ADAMTSL3: variants seen among roughly 807,000 people sequenced by gnomAD.
ADAMTSL3 encodes the protein ADAMTS-like protein 3.
A neutral mutation model predicts 201.7 loss-of-function variants in ADAMTSL3; 128 were observed. That is an observed-to-expected ratio of 0.63 (90% confidence interval 0.55 to 0.73). The LOEUF (loss-of-function observed/expected upper bound fraction) is 0.73. Ranked by LOEUF, ADAMTSL3 falls within the 30% of genes least tolerant of loss-of-function variation. ADAMTSL3 has a pLI of 0.00. For synonymous variants in ADAMTSL3, 738 were observed against 748.4 expected, an observed-to-expected ratio of 0.99 and a Z score of 0.23; for missense variants, 1,990 against 2,119.6, an observed-to-expected ratio of 0.94 and a Z score of 1.20.
In ADAMTSL3 at chr15:83,654,947, C is replaced by T. The variant is rs1394842985; in HGVS notation, c.-34+671C>T. ...TGGAGAGAAGCCACCGACCCGCCCC[C>T]GGACACCAGCTCCGCCAAGGCGCCC... On this transcript the variant is annotated intron_variant, in intron 1 of 29. Transcript: ENST00000286744. The surrounding 1 kb of genome is among the most constrained non-coding windows in gnomAD (Gnocchi z 5.3). Among the ~76,000 whole-genome samples the T allele has an allele frequency of 1.3e-5, 2 of 152,230 alleles. No individual in the cohort carries two copies. The highest frequency in any genetic ancestry group is 1.9e-4 in the East Asian group (1 of 5,190).
In ADAMTSL3 at chr15:83,725,619, A is replaced by C. The variant is rs547636884; in HGVS notation, c.189+21111A>C. Among the ~76,000 whole-genome samples the C allele has an allele frequency of 2.6e-5, 4 of 152,284 alleles. No individual in the cohort carries two copies. The East Asian group carries it at 7.7e-4, about 29-fold the overall frequency. On this transcript the variant is annotated intron_variant, in intron 3 of 29. Transcript: ENST00000286744. Reference sequence around the variant, plus strand: ...TAGTTTTATTCTTCTGCATATGGACATCCAATATTCCCAGCATCATTTGTT... The same window carrying C: ...TAGTTTTATTCTTCTGCATATGGACCTCCAATATTCCCAGCATCATTTGTT...
intron 19 of ADAMTSL3, among the ~76,000 whole-genome samples, chr15:83,957,189 A>C (rs535330922): frequency 6.6e-6 from 1 of 152,308 alleles, no homozygotes; most frequent in Admixed American, 6.5e-5. Context: ...TAGAGTGACA[A>C]GCGTGTATAT....
At chr15:83,971,558 CAAA>C (rs68134290) in intron 20 of ADAMTSL3, among the ~76,000 whole-genome samples, 3 of 63,922 alleles carry the variant, frequency 4.7e-5, no homozygotes, top group Admixed American at 2.0e-4. Context: ...GACTCTGTCT[CAAA>C]AAAAAAAAAA....
At chr15:83,987,789 C>T (rs936518852) in intron 21 of ADAMTSL3, among the ~76,000 whole-genome samples, 3 of 152,100 alleles carry the variant, frequency 2.0e-5, no homozygotes, top group African/African-American at 4.8e-5. Flanking sequence ...TGGCACAGTT[C>T]ATTTCATGAT....
At chr15:83,855,170 T>G (rs1454903597) in intron 7 of ADAMTSL3, among the ~76,000 whole-genome samples, 1 of 152,170 alleles carries the variant, frequency 6.6e-6, no homozygotes, top group Non-Finnish European at 1.5e-5. Context: ...AGATGACAGC[T>G]TAGGACCTTC....
chr15:84,024,474 A>G (rs980431169), intron 26 of ADAMTSL3, among the ~76,000 whole-genome samples: 15 of 152,336 alleles, frequency 9.8e-5, no homozygotes, highest in African/African-American at 3.4e-4. Flanking sequence ...CTATGTTTCT[A>G]TAATTGAAGG....
intron 15 of ADAMTSL3, among the ~76,000 whole-genome samples, chr15:83,903,939 A>AGGGAGGGAGGGAGGGAGGGTGGGG (rs1567226085): frequency 2.0e-5 from 1 of 50,644 alleles, no homozygotes; most frequent in East Asian, 1.3e-3. Context: ...AAAAAAAAAA[A>AGGGAGGGAGGGAGGGAGGGTGGGG]AAAAAGAAAA....
rs1246533484 is a variant in ADAMTSL3 at position 83,841,490 on chromosome 15, G to A, written c.727+3275G>A. 2.0e-5 allele frequency among the ~76,000 whole-genome samples: 3 copies of A among 152,074 alleles called. No individual in the cohort carries two copies. In the South Asian group the frequency reaches 6.2e-4, roughly 31 times the overall value. ...TCTTGGATCTCTAATTTTAAACTGG[G>A]AATAACAACAGTACTGCCTTTGTAG... On this transcript the variant is annotated intron_variant, in intron 7 of 29. Transcript: ENST00000286744.
At chr15:83,996,780 C>CA (rs35758954) in intron 23 of ADAMTSL3, among the ~76,000 whole-genome samples, 8,362 of 33,830 alleles carry the variant, frequency 0.25, 2,202 homozygotes, top group East Asian at 0.66. Context: ...GACTCTGCCT[C>CA]AAAAAAAAAA....
chr15:83,994,133 C>T (rs1202367797), intron 23 of ADAMTSL3, among the ~76,000 whole-genome samples: 2 of 152,318 alleles, frequency 1.3e-5, no homozygotes, highest in East Asian at 1.9e-4. Flanking sequence ...CATCAATGGC[C>T]CAGCCCTAAG....
At chr15:83,676,524 A>G (rs1404212354) in intron 2 of ADAMTSL3, among the ~76,000 whole-genome samples, 2 of 152,080 alleles carry the variant, frequency 1.3e-5, no homozygotes, top group Non-Finnish European at 2.9e-5. Context: ...TAAAAATACA[A>G]AAAATTAGCC....
At chr15:83,881,887 CT>C (rs754257710) in intron 9 of ADAMTSL3, among the ~76,000 whole-genome samples, 2 of 150,238 alleles carry the variant, frequency 1.3e-5, no homozygotes, top group Non-Finnish European at 3.0e-5. Context: ...GGCGCGATGG[CT>C]CACGCCTGTA....
chr15:84,036,104 G>C (rs1254525706), intron 28 of ADAMTSL3, among the ~76,000 whole-genome samples: 3 of 152,144 alleles, frequency 2.0e-5, no homozygotes, highest in Non-Finnish European at 4.4e-5. Context: ...CTGCCTTAGG[G>C]AACAAGGGCA....
At chr15:83,794,994 A>G (rs1389528312) in intron 4 of ADAMTSL3, among the ~76,000 whole-genome samples, 2 of 151,996 alleles carry the variant, frequency 1.3e-5, no homozygotes, top group African/African-American at 4.8e-5. Flanking sequence ...CTGGGATTAC[A>G]GGTGCACGCC....
chr15:83,995,446 C>T (rs538114586), intron 23 of ADAMTSL3, among the ~76,000 whole-genome samples: 2 of 152,274 alleles, frequency 1.3e-5, no homozygotes, highest in South Asian at 2.1e-4. Context: ...AATGGTGAGA[C>T]TCAAACAGTC....
intron 2 of ADAMTSL3, among the ~76,000 whole-genome samples, chr15:83,674,836 C>T (rs553436066): frequency 6.9e-6 from 1 of 145,252 alleles, no homozygotes; most frequent in Non-Finnish European, 1.5e-5. Flanking sequence ...CTATAGGTCG[C>T]TTTTGGGGGA....
In ADAMTSL3 at chr15:83,765,673, C is replaced by T. The variant is rs1217949635; in HGVS notation, c.190-7850C>T. 2.0e-5 allele frequency among the ~76,000 whole-genome samples: 3 copies of T among 151,972 alleles called. No homozygotes were observed. The East Asian group carries it at 5.8e-4, about 29-fold the overall frequency. On this transcript the variant is annotated intron_variant, in intron 3 of 29. Coordinates refer to ENST00000286744, the MANE Select transcript of ADAMTSL3 (RefSeq NM_207517.3). ...TACAATATTTTTGGCTTTTACCAAC[C>T]CTATTATATAATGAGTAAACAATAT...
At chr15:84,030,467 T>C (rs530696672) in intron 27 of ADAMTSL3, among the ~76,000 whole-genome samples, 2 of 152,354 alleles carry the variant, frequency 1.3e-5, no homozygotes, top group South Asian at 4.1e-4. Flanking sequence ...ATGGGGCCTA[T>C]AGTCCCATTA....
chr15:83,891,227 G>T (rs2065492645), intron 11 of ADAMTSL3, 102 bp from the exon 12 acceptor site: 4 of 1,013,556 alleles, frequency 3.9e-6, no homozygotes, highest in Non-Finnish European at 6.0e-6. Context: ...TTTCCAATTT[G>T]GAAGAGCTCT....
Sources: allele counts gnomAD v4.1 joint callset (sites outside exome capture counted in the v4.1 genomes callset), GRCh38; gene constraint gnomAD v4.1.1; non-coding constraint Gnocchi (gnomAD v3.1); transcripts MANE v1.5; gene names NCBI Gene and HGNC (gene_info 2026-07-23, HGNC 2026-07-21).